Variants in TEKT3 observed in about 807,000 individuals in gnomAD.
TEKT3 encodes the protein tektin 3.
Under a neutral mutation model 49.8 loss-of-function variants are expected in TEKT3, and 49 were observed. That is an observed-to-expected ratio of 0.98 (90% CI 0.78 to 1.25). The LOEUF (loss-of-function observed/expected upper bound fraction) is 1.25. Ranked by LOEUF, TEKT3 falls within the 50% of genes most tolerant of loss-of-function variation. The probability of loss-of-function intolerance (pLI) is 0.00; values close to 1 mark genes in which losing one functional copy is unlikely to be tolerated. For missense variants in TEKT3, 595 were observed against 629.5 expected (o/e 0.95, Z 0.59); for synonymous variants, 225 against 237.2 (o/e 0.95, Z 0.47).
At chr17:15,333,158 C>T (rs569464943) in intron 2 of TEKT3, among the ~76,000 whole-genome samples, 17 of 152,210 alleles carry the variant, frequency 1.1e-4, no homozygotes, top group Admixed American at 7.8e-4. Context: ...AAGGATGCCA[C>T]AGACCACTAC....
chr17:15,331,038 C>T lies in TEKT3; in HGVS notation c.548G>A (p.Arg183Gln), dbSNP rs139570101. ...AGGGGCTTCAGTCTCCATCAAAGCC[C>T]GCTCCAGTCTTTTCTTCACATCAGT... ...ALTDVKKRLE[R>Q]ALMETEAPLQ... is the part of the protein sequence containing the mutation. Residue 183 changes from arginine (R) to glutamine (Q), a missense_variant, in exon 3 of 9, where the codon CGG (arginine) becomes CAG (glutamine). Transcript: ENST00000395930. The T allele has an allele frequency of 7.6e-5, 123 of 1,613,324 alleles. No individual in the cohort carries two copies. The highest frequency in any genetic ancestry group is 5.8e-4 in the East Asian group (26 of 44,872).
chr17:15,310,749 G>A (rs1567573792), intron 7 of TEKT3: 1 of 152,126 alleles, frequency 6.6e-6, no homozygotes, highest in Non-Finnish European at 1.5e-5. Context: ...ATAAAAATTT[G>A]TTGAAGAAGG....
In TEKT3 at chr17:15,331,238, A is replaced by G. The variant is rs1911717140; in HGVS notation, c.348T>C (p.Asn116=). ...ATGTATCCACTCTTAGTTTCTCCGA[A>G]TTATGTCGGGAAGTGTTGGACTCTT... is the stretch of plus-strand genomic sequence containing the variant. ...NYQESNTSRH[N]SEKLRVDTSR... The change falls in exon 3 of 9, where the codon AAT becomes AAC. Residue 116 remains asparagine, a synonymous_variant. Coordinates refer to ENST00000395930, the MANE Select transcript of TEKT3 (RefSeq NM_031898.3). 6.2e-7 allele frequency: 1 copy of G among 1,614,158 alleles called. No homozygotes were observed. Among genetic ancestry groups the G allele is most frequent in the Non-Finnish European group, 8.5e-7 (1 of 1,180,030 alleles).
At chr17:15,321,122 G>A (rs1278069747) in intron 4 of TEKT3, among the ~76,000 whole-genome samples, 1 of 151,322 alleles carries the variant, frequency 6.6e-6, no homozygotes, top group Admixed American at 6.6e-5. Flanking sequence ...CCATTCTCCT[G>A]CCTCAGCTTC....
At chr17:15,328,401 T>C (rs1366248454) in intron 3 of TEKT3, among the ~76,000 whole-genome samples, 2 of 152,208 alleles carry the variant, frequency 1.3e-5, no homozygotes, top group African/African-American at 4.8e-5. Context: ...GGTGAGATAG[T>C]TCAGTAACAT....
At chr17:15,329,221 A>C (rs2150748936) in intron 3 of TEKT3, among the ~76,000 whole-genome samples, 1 of 152,326 alleles carries the variant, frequency 6.6e-6, no homozygotes, top group African/African-American at 2.4e-5. Context: ...ATTAAGCTTT[A>C]ACATTTTTTC....
At chr17:15,340,656 G>A (rs568610346) in intron 1 of TEKT3, 29 of 152,222 alleles carry the variant, frequency 1.9e-4, no homozygotes, top group Admixed American at 3.9e-4. Context: ...GGATAGGTAA[G>A]GAGAGAGGGG....
rs1490832918 is a variant in TEKT3, at chr17:15,326,142, A to AGTTAGTT, written c.663+1849_663+1850insAACTAAC. ...ATGTCATGGGTCACTAAGAAAATGT[A>AGTTAGTT]AGTGATGTTAAAGCAGGGTGTTGAT... On this transcript the variant is annotated intron_variant, in intron 4 of 8. Transcript: ENST00000395930. Among the ~76,000 whole-genome samples the AGTTAGTT allele has an allele frequency of 2.0e-5, 3 of 152,198 alleles. No individual in the cohort carries two copies. The East Asian group carries it at 5.8e-4, about 29-fold the overall frequency.
rs1159533064 is a variant in TEKT3 at position 15,312,364 on chromosome 17, A to G, written c.996T>C (p.Thr332=). The change falls in exon 7 of 9, where the codon ACT becomes ACC. Residue 332 remains threonine, a synonymous_variant. Coordinates refer to ENST00000395930, the MANE Select transcript of TEKT3 (RefSeq NM_031898.3). ...RDDIENLLVV[T]ANEMWNQFNK... The stretch of plus-strand genomic sequence containing the variant: ...TGAATTGATTCCACATCTCATTGGC[A>G]GTCACAACCAAGAGGTTTTCAATGT... The G allele has an allele frequency of 1.2e-6, 2 of 1,614,244 alleles. No individual in the cohort carries two copies. Among genetic ancestry groups the G allele is most frequent in the Non-Finnish European group, 1.7e-6 (2 of 1,180,038 alleles).
At chr17:15,336,324 G>T (rs1911981808) in intron 2 of TEKT3, among the ~76,000 whole-genome samples, 1 of 152,110 alleles carries the variant, frequency 6.6e-6, no homozygotes, top group African/African-American at 2.4e-5. Flanking sequence ...TTTTAAAAGG[G>T]CTGGAAGAAA....
At chr17:15,338,089 G>A (rs1478262923) in intron 2 of TEKT3, among the ~76,000 whole-genome samples, 1 of 152,116 alleles carries the variant, frequency 6.6e-6, no homozygotes, top group African/African-American at 2.4e-5. Flanking sequence ...GAACTAAAAT[G>A]AGAAATAGAC....
intron 4 of TEKT3, among the ~76,000 whole-genome samples, chr17:15,321,736 T>C (rs745536786): frequency 9.2e-5 from 14 of 152,174 alleles, no homozygotes; most frequent in Admixed American, 3.3e-4. Context: ...ACTGACTTCA[T>C]TGAGCTTCTC....
chr17:15,341,724 G>A (rs887370956), upstream of TEKT3: 6 of 152,286 alleles, frequency 3.9e-5, no homozygotes, highest in African/African-American at 9.6e-5. Context: ...GGAGAGGCGG[G>A]AGCTGTCAGG....
chr17:15,343,578 T>G (rs1912296414), upstream of TEKT3, among the ~76,000 whole-genome samples: 2 of 152,208 alleles, frequency 1.3e-5, no homozygotes, highest in African/African-American at 2.4e-5. Flanking sequence ...ATCCCCAGCA[T>G]GGGGCTTCCT....
intron 3 of TEKT3, 115 bp from the exon 4 acceptor site, chr17:15,328,190 A>G: frequency 2.4e-6 from 2 of 830,586 alleles, no homozygotes; most frequent in Non-Finnish European, 3.9e-6. Context: ...CAACTTTTCC[A>G]GCCCTTTTGT....
chr17:15,343,035 G>A (rs1453179166), upstream of TEKT3, among the ~76,000 whole-genome samples: 6 of 152,212 alleles, frequency 3.9e-5, no homozygotes, highest in Non-Finnish European at 8.8e-5. Flanking sequence ...AGACAATGCA[G>A]CAAATGATGC....
At chr17:15,326,963 A>G (rs1429269647) in intron 4 of TEKT3, among the ~76,000 whole-genome samples, 2 of 152,214 alleles carry the variant, frequency 1.3e-5, no homozygotes, top group Non-Finnish European at 2.9e-5. Context: ...CAATTTGGCT[A>G]CATATCAAAA....
At chr17:15,332,351 C>T (rs1434134727) in intron 2 of TEKT3, among the ~76,000 whole-genome samples, 1 of 152,198 alleles carries the variant, frequency 6.6e-6, no homozygotes, top group Non-Finnish European at 1.5e-5. Context: ...AAAAGAGAAA[C>T]AAGGTGAGCC....
At chr17:15,315,422 G>A (rs1004428001) in intron 5 of TEKT3, among the ~76,000 whole-genome samples, 9 of 152,212 alleles carry the variant, frequency 5.9e-5, no homozygotes, top group Middle Eastern at 3.4e-3. Context: ...ACAGACTGCC[G>A]GGGGCAGGAA....
Sources: allele counts gnomAD v4.1 joint callset (sites outside exome capture counted in the v4.1 genomes callset), GRCh38; gene constraint gnomAD v4.1.1; transcripts MANE v1.5; gene names NCBI Gene and HGNC (gene_info 2026-07-23, HGNC 2026-07-21).